The following COMMD10 variants were observed in gnomAD, a reference collection of about 807,000 sequenced individuals.
COMMD10 encodes the protein COMM domain containing 10.
Under a neutral mutation model 28.9 loss-of-function variants are expected in COMMD10, and 33 were observed. The ratio of observed to expected loss-of-function variants is 1.14; its 90% CI spans 0.87 to 1.53. The LOEUF (loss-of-function observed/expected upper bound fraction) is 1.53, where lower values mean the gene tolerates loss of function less well. Ranked by LOEUF, COMMD10 falls within the 40% of genes most tolerant of loss-of-function variation. COMMD10 has a pLI of 0.00. For synonymous variants in COMMD10, 110 were observed against 81.7 expected, an observed-to-expected ratio of 1.35 and a Z score of -1.87; for missense variants, 310 against 233.4, an observed-to-expected ratio of 1.33 and a Z score of -2.14.
intron 4 of COMMD10, among the ~76,000 whole-genome samples, chr5:116,105,198 C>T (rs1000676133): frequency 6.6e-6 from 1 of 152,140 alleles, no homozygotes. Flanking sequence ...AAGGTCTTTT[C>T]TGCATCTGTT....
chr5:116,112,304 C>T (rs1197108006), intron 4 of COMMD10, among the ~76,000 whole-genome samples: 1 of 152,096 alleles, frequency 6.6e-6, no homozygotes, highest in Non-Finnish European at 1.5e-5. Context: ...TTCGTTGGCC[C>T]ATAATATCAA....
At chr5:116,219,189 T>C (rs1456468447) in intron 5 of COMMD10, among the ~76,000 whole-genome samples, 6 of 151,998 alleles carry the variant, frequency 3.9e-5, no homozygotes, top group African/African-American at 7.2e-5. Context: ...GAGGCTGTTG[T>C]TGAAAATCTG....
At chr5:116,121,317 T>G (rs1561613061) in intron 4 of COMMD10, among the ~76,000 whole-genome samples, 2 of 152,202 alleles carry the variant, frequency 1.3e-5, no homozygotes, top group Admixed American at 1.3e-4. Context: ...GAACTAATCC[T>G]TTTTTATGGC....
chr5:116,124,058 C>T (rs941430184), intron 4 of COMMD10, among the ~76,000 whole-genome samples: 1 of 151,922 alleles, frequency 6.6e-6, no homozygotes, highest in Non-Finnish European at 1.5e-5. Flanking sequence ...TTTTTTCTGT[C>T]TCTGTCTCCT....
intron 5 of COMMD10, among the ~76,000 whole-genome samples, chr5:116,249,186 TAAC>T (rs1229105840): frequency 1.3e-5 from 2 of 151,984 alleles, no homozygotes; most frequent in African/African-American, 4.8e-5. Flanking sequence ...CTATTTCAGA[TAAC>T]AAATAATTGC....
At chr5:116,255,810 T>G (rs1750268402) in intron 5 of COMMD10, 1 of 151,288 alleles carries the variant, frequency 6.6e-6, no homozygotes, top group African/African-American at 2.4e-5. Context: ...GTTGTACCTT[T>G]TTTGCCTGTA....
chr5:116,122,993 G>T (rs1438333440), intron 4 of COMMD10, among the ~76,000 whole-genome samples: 1 of 152,062 alleles, frequency 6.6e-6, no homozygotes, highest in Non-Finnish European at 1.5e-5. Context: ...TGCTTGCCCT[G>T]GCCAGAACTT....
At chr5:116,256,832 C>G (rs1314294225) in intron 5 of COMMD10, among the ~76,000 whole-genome samples, 1 of 151,640 alleles carries the variant, frequency 6.6e-6, no homozygotes, top group Non-Finnish European at 1.5e-5. Flanking sequence ...AAAGGTATCC[C>G]TGTCTCAGCC....
At chr5:116,233,670 C>T (rs891535498) in intron 5 of COMMD10, among the ~76,000 whole-genome samples, 1 of 152,102 alleles carries the variant, frequency 6.6e-6, no homozygotes. Context: ...GAGGAATGTT[C>T]TGGAAGCAGA....
chr5:116,164,003 A>G (rs1753009772), intron 5 of COMMD10, among the ~76,000 whole-genome samples: 1 of 152,112 alleles, frequency 6.6e-6, no homozygotes. Context: ...TACTTTGTGT[A>G]ACTATTTTCC....
rs75133534 is a variant in COMMD10, at chr5:116,196,625, CT to C, written c.510+62457del. Among the ~76,000 whole-genome samples, 393 of 147,188 alleles carry C rather than the reference CT, an allele frequency of 2.7e-3. 3 individuals are homozygous for C. Among genetic ancestry groups the C allele is most frequent in the African/African-American group, 8.9e-3 (361 of 40,348 alleles). On this transcript the variant is annotated intron_variant, in intron 5 of 6. Coordinates refer to ENST00000274458, the MANE Select transcript of COMMD10 (RefSeq NM_016144.4). ...TTATGGAGTTAATGTTTTACTGGTG[CT>C]TTTTTTTTTAAAAAAAGAAAAATGT...
chr5:116,085,348 T>TGGTCTGCAAGCGTGG (rs943440342), intron 1 of COMMD10: 1 of 487,722 alleles, frequency 2.1e-6, no homozygotes, highest in East Asian at 3.5e-5. Context: ...CGGAAGCGTG[T>TGGTCTGCAAGCGTGG]GGTCTGCAAG....
intron 4 of COMMD10, among the ~76,000 whole-genome samples, chr5:116,117,186 T>G (rs903322734): frequency 1.3e-5 from 2 of 152,234 alleles, no homozygotes; most frequent in African/African-American, 4.8e-5. Flanking sequence ...CATGTATGTT[T>G]GGGTTTTTTA....
chr5:116,154,514 C>A (rs999215021), intron 5 of COMMD10, among the ~76,000 whole-genome samples: 1 of 152,064 alleles, frequency 6.6e-6, no homozygotes, highest in African/African-American at 2.4e-5. Context: ...GGGTTCTTTT[C>A]ATTTTCAGTA....
intron 5 of COMMD10, among the ~76,000 whole-genome samples, chr5:116,249,748 G>A (rs1228075314): frequency 6.6e-6 from 1 of 151,890 alleles, no homozygotes; most frequent in East Asian, 1.9e-4. Context: ...AGTGTGTAAT[G>A]TAGTACAGAT....
intron 1 of COMMD10, chr5:116,085,475 A>G: frequency 4.1e-6 from 1 of 243,366 alleles, no homozygotes; most frequent in East Asian, 9.1e-5. Context: ...TCCGGTTCAG[A>G]CACTCTGGTG....
chr5:116,141,371 T>C (rs1161941216), intron 5 of COMMD10, among the ~76,000 whole-genome samples: 1 of 151,886 alleles, frequency 6.6e-6, no homozygotes, highest in Non-Finnish European at 1.5e-5. Flanking sequence ...TACATCTAAC[T>C]TTGTTTTACT....
At chr5:116,186,341 G>T (rs953949814) in intron 5 of COMMD10, among the ~76,000 whole-genome samples, 4 of 152,076 alleles carry the variant, frequency 2.6e-5, no homozygotes, top group African/African-American at 9.7e-5. Flanking sequence ...ATTACCTTCT[G>T]ATAGTCTCAT....
intron 5 of COMMD10, among the ~76,000 whole-genome samples, chr5:116,161,136 G>A (rs1032926815): frequency 7.2e-5 from 11 of 152,164 alleles, no homozygotes; most frequent in African/African-American, 2.2e-4. Context: ...TCTGTGTATC[G>A]TACTGATCTG....
Sources: allele counts gnomAD v4.1 joint callset (sites outside exome capture counted in the v4.1 genomes callset), GRCh38; gene constraint gnomAD v4.1.1; transcripts MANE v1.5; gene names NCBI Gene and HGNC (gene_info 2026-07-23, HGNC 2026-07-21).